Variants in RNF157 observed in about 807,000 individuals in gnomAD.
RNF157 encodes ring finger protein 157, also known as E3 ubiquitin ligase RNF157.
In RNF157, 55 loss-of-function variants were observed where a neutral mutation model predicts 88.3. The observed-to-expected ratio is 0.62, with a 90% CI of 0.50 to 0.78. The LOEUF (loss-of-function observed/expected upper bound fraction) is 0.78, where lower values mean the gene tolerates loss of function less well. Ranked by LOEUF, RNF157 falls within the 30% of genes least tolerant of loss-of-function variation. The pLI is 0.00. For synonymous variants in RNF157, 334 were observed against 341.2 expected (o/e 0.98, Z 0.23); for missense variants, 788 against 860.8 (o/e 0.92, Z 1.06).
chr17:76,201,339 A>G (rs941041069), intron 2 of RNF157, among the ~76,000 whole-genome samples: 37 of 150,750 alleles, frequency 2.5e-4, no homozygotes, highest in East Asian at 9.7e-4. Context: ...AAAAAAAAAA[A>G]AGAGAAAAAG....
At chr17:76,147,381 C>T in intron 18 of RNF157, 1 of 983,550 alleles carries the variant, frequency 1.0e-6, no homozygotes, top group Non-Finnish European at 1.2e-6. Flanking sequence ...CAAATAAAAA[C>T]AGCAGCACCA....
At chr17:76,163,270 G>A in intron 8 of RNF157, 1 of 148,734 alleles carries the variant, frequency 6.7e-6, no homozygotes, top group Non-Finnish European at 1.5e-5. Flanking sequence ...TTGGCTCGCT[G>A]CAACCTCCAC....
At chr17:76,194,488 C>T (rs979178295) in intron 2 of RNF157, among the ~76,000 whole-genome samples, 1 of 152,132 alleles carries the variant, frequency 6.6e-6, no homozygotes, top group Non-Finnish European at 1.5e-5. Flanking sequence ...CTGAAAGACC[C>T]CCGAAAGCAG....
chr17:76,207,151 CA>C (rs1204217544), intron 2 of RNF157, among the ~76,000 whole-genome samples: 2 of 152,152 alleles, frequency 1.3e-5, no homozygotes, highest in Admixed American at 6.5e-5. Context: ...CTTGGTGGCT[CA>C]CACCTGCAAT....
intron 3 of RNF157, among the ~76,000 whole-genome samples, chr17:76,170,412 A>G (rs141278852): frequency 6.6e-5 from 10 of 152,124 alleles, no homozygotes; most frequent in Non-Finnish European, 1.3e-4. Context: ...TATTTCTTGT[A>G]GAGACAGGGC....
At chr17:76,154,795 C>T (rs553034713) in intron 16 of RNF157, 46 of 238,686 alleles carry the variant, frequency 1.9e-4, no homozygotes, top group African/African-American at 1.0e-3. Flanking sequence ...GGGCACGTCT[C>T]ACACTGAACT....
In RNF157 at chr17:76,143,772, T is replaced by G. The variant is rs993074928; in HGVS notation, c.*1463A>C. The G allele has an allele frequency of 2.6e-5, 4 of 152,116 alleles. No individual in the cohort carries two copies. Among genetic ancestry groups the G allele is most frequent in the South Asian group, 4.1e-4 (2 of 4,826 alleles). The allele number at this position is 152,116 out of a possible 1,614,324, so 9.4% of individuals were successfully genotyped here. A position where few individuals can be genotyped will look rare whatever the true frequency, so the allele number is the denominator to read the frequency against. On this transcript the variant is annotated 3_prime_UTR_variant, in exon 19 of 19. Transcript: ENST00000269391. ...GGAAACAGCCTTGAATTTTTTTTTTTTTGTTTGAGACAGAGTTTCGATCTT... is the reference window on the plus strand; with the variant it reads ...GGAAACAGCCTTGAATTTTTTTTTTGTTGTTTGAGACAGAGTTTCGATCTT...
intron 18 of RNF157, among the ~76,000 whole-genome samples, chr17:76,147,942 C>T (rs1315410774): frequency 6.6e-6 from 1 of 152,154 alleles, no homozygotes; most frequent in Non-Finnish European, 1.5e-5. Context: ...TTTGGGAGTA[C>T]ATTCAGGAAA....
chr17:76,168,538 G>A (rs369539256), intron 3 of RNF157, among the ~76,000 whole-genome samples: 5 of 151,794 alleles, frequency 3.3e-5, no homozygotes, highest in Middle Eastern at 3.4e-3. Flanking sequence ...TGCACCAAGC[G>A]GTCTATTCAT....
At chr17:76,152,826 T>C (rs1210834377) in intron 17 of RNF157, among the ~76,000 whole-genome samples, 1 of 152,190 alleles carries the variant, frequency 6.6e-6, no homozygotes, top group African/African-American at 2.4e-5. Context: ...GGAGCGCCAG[T>C]GGGGAGGTCA....
chr17:76,210,319 C>A (rs532306273), intron 2 of RNF157, among the ~76,000 whole-genome samples: 10 of 151,948 alleles, frequency 6.6e-5, no homozygotes, highest in African/African-American at 2.4e-4. Context: ...ACCCGCCGGG[C>A]GCAGTGGCTC....
chr17:76,198,121 CG>C (rs1199276054), intron 2 of RNF157, among the ~76,000 whole-genome samples: 2 of 152,186 alleles, frequency 1.3e-5, no homozygotes, highest in African/African-American at 2.4e-5. Context: ...ATTACTCAAC[CG>C]GGGCCTGCTG....
At chr17:76,197,240 G>A (rs2144966207) in intron 2 of RNF157, among the ~76,000 whole-genome samples, 1 of 152,344 alleles carries the variant, frequency 6.6e-6, no homozygotes, top group Middle Eastern at 3.4e-3. Flanking sequence ...AGGCGATTTT[G>A]ATGTCTTGGT....
At chr17:76,162,040 GCCCTTC>G (rs1351182360) in intron 9 of RNF157, 38 bp from the exon 10 acceptor site, 2 of 1,600,708 alleles carry the variant, frequency 1.2e-6, no homozygotes. Flanking sequence ...ATGGCACAAA[GCCCTTC>G]CTGTCCCATA....
intron 1 of RNF157, among the ~76,000 whole-genome samples, chr17:76,234,467 CCATTTTACATTCACACCGG>C (rs2070247745): frequency 6.6e-6 from 1 of 152,104 alleles, no homozygotes; most frequent in Non-Finnish European, 1.5e-5. Context: ...AGTGGCTGCC[CCATTTTACATTCACACCGG>C]CAGGGTATGA....
At chr17:76,196,330 G>C (rs1379440106) in intron 2 of RNF157, among the ~76,000 whole-genome samples, 3 of 152,216 alleles carry the variant, frequency 2.0e-5, no homozygotes, top group Admixed American at 6.5e-5. Flanking sequence ...CAGGACAGAA[G>C]TTAGGATTGC....
At chr17:76,223,360 G>T (rs993351435) in intron 1 of RNF157, among the ~76,000 whole-genome samples, 3 of 151,710 alleles carry the variant, frequency 2.0e-5, no homozygotes, top group African/African-American at 7.3e-5. Context: ...GCTAATTTTT[G>T]TATTTTTAGT....
chr17:76,225,686 TG>T, intron 1 of RNF157: 1 of 1,277,046 alleles, frequency 7.8e-7, no homozygotes, highest in African/African-American at 1.5e-5. Context: ...AATAATTTAT[TG>T]GAACACACAG....
rs151104674 is a variant in RNF157 at position 76,161,601 on chromosome 17, G to A, written c.999C>T (p.Gly333=). Residue 333 remains glycine, a synonymous_variant, in exon 11 of 19, where the codon GGC becomes GGT. Transcript: ENST00000269391. This position sits in a 1 kb window ranked among gnomAD's most constrained non-coding sequence, Gnocchi z 4.6. ...LQIRAMRKKL[G]PLSPTSFNPI... ...GGTTAAAGCTGGTTGGGGACAAGGG[G>A]CCCAATTTTTTCCTCATGGCTCGGA... 3.3e-5 allele frequency: 53 copies of A among 1,613,984 alleles called. No individual in the cohort carries two copies. Among genetic ancestry groups the A allele is most frequent in the African/African-American group, 2.9e-4 (22 of 74,896 alleles).
Sources: gnomAD v4.1 joint callset for allele counts (sites outside exome capture counted in the v4.1 genomes callset) on GRCh38, gnomAD v4.1.1 for gene constraint, Gnocchi (gnomAD v3.1) non-coding constraint, MANE v1.5 for transcripts, NCBI Gene and HGNC (gene_info 2026-07-23, HGNC 2026-07-21) for gene names.